Variants in SNTA1 observed in about 807,000 individuals in gnomAD.
The protein encoded by SNTA1 is alpha-1-syntrophin.
In SNTA1, 31 loss-of-function variants were observed where a neutral mutation model predicts 47.1. The ratio of observed to expected loss-of-function variants is 0.66; its 90% CI spans 0.49 to 0.89. SNTA1 has a LOEUF of 0.89. Among genes scored for constraint, SNTA1 ranks in the 40% least tolerant of loss-of-function variants. The probability of loss-of-function intolerance (pLI) is 0.00; values close to 1 mark genes in which losing one functional copy is unlikely to be tolerated. For missense variants in SNTA1, 575 were observed against 693.0 expected (o/e 0.83, Z 1.91); for synonymous variants, 300 against 313.6 (o/e 0.96, Z 0.46).
At chr20:33,432,541 A>C (rs1990336707) in intron 2 of SNTA1, among the ~76,000 whole-genome samples, 2 of 152,210 alleles carry the variant, frequency 1.3e-5, no homozygotes, top group African/African-American at 4.8e-5. Context: ...GACAAGCTAC[A>C]TGTGGTTCCT....
chr20:33,430,970 GT>G, intron 2 of SNTA1, among the ~76,000 whole-genome samples: 1 of 151,770 alleles, frequency 6.6e-6, no homozygotes, highest in African/African-American at 2.4e-5. Context: ...AAGATTATGG[GT>G]TTTCAGCCAG....
chr20:33,434,989 T>A (rs1990403202), intron 2 of SNTA1, among the ~76,000 whole-genome samples: 1 of 142,162 alleles, frequency 7.0e-6, no homozygotes, highest in African/African-American at 2.6e-5. Context: ...CAGCTTTTTT[T>A]TTTTTTTTTT....
At position 33,408,396 on chromosome 20, in the gene SNTA1, G is replaced by A. The variant is rs770188620; in HGVS notation, c.*111C>T. On this transcript the variant is annotated 3_prime_UTR_variant, in exon 8 of 8. Transcript: ENST00000217381. ...CAGGGTTGGGGTTTCGGAGGCCCTT[G>A]TTCCTCTCCTCTCCCTTCCCTCAGC... 4 of 812,832 alleles carry A rather than the reference G, an allele frequency of 4.9e-6. No homozygotes were observed. Among genetic ancestry groups the A allele is most frequent in the African/African-American group, 3.4e-5 (2 of 59,026 alleles). 50.4% of individuals were successfully genotyped at this position (812,832 alleles called of 1,614,324 possible).
chr20:33,420,302 G>A (rs963330424), intron 2 of SNTA1, among the ~76,000 whole-genome samples: 1 of 152,170 alleles, frequency 6.6e-6, no homozygotes, highest in Admixed American at 6.6e-5. Context: ...AGTTTTCGAT[G>A]ATACCATGAG....
Position 33,443,645 on chromosome 20 carries a change from C to T in SNTA1, c.-25G>A, listed in dbSNP as rs1990638347. ...TCTTCGCCTCCGAGCCCCCGGGCCG[C>T]CGCGCTCGCCCTGTCCCGCTTTGCC... On this transcript the variant is annotated 5_prime_UTR_variant, in exon 1 of 8. Transcript: ENST00000217381. 2 of 1,188,314 alleles carry T rather than the reference C, an allele frequency of 1.7e-6. No individual in the cohort carries two copies. Among genetic ancestry groups the T allele is most frequent in the Admixed American group, 4.2e-5 (1 of 23,884 alleles). 73.6% of individuals were successfully genotyped at this position (1,188,314 alleles called of 1,614,324 possible).
At chr20:33,420,766 G>A (rs553566716) in intron 2 of SNTA1, among the ~76,000 whole-genome samples, 127 of 152,184 alleles carry the variant, frequency 8.3e-4, no homozygotes, top group Admixed American at 1.6e-3. Flanking sequence ...GATCGCTTGA[G>A]CTCAGGAGTT....
At chr20:33,423,289 GC>G (rs1400418361) in intron 2 of SNTA1, among the ~76,000 whole-genome samples, 4 of 152,132 alleles carry the variant, frequency 2.6e-5, no homozygotes, top group East Asian at 1.9e-4. Context: ...GGTCCTGGGG[GC>G]CCCGGAGTGT....
At chr20:33,412,164 G>A in intron 5 of SNTA1, 132 bp downstream of exon 5, 1 of 984,438 alleles carries the variant, frequency 1.0e-6, no homozygotes, top group Middle Eastern at 3.2e-4. Flanking sequence ...CCCAGACAGG[G>A]CAGAGACTTG....
chr20:33,436,806 C>CA lies in SNTA1; in HGVS notation c.496+2034dup, dbSNP rs895528401. Among the ~76,000 whole-genome samples the CA allele has an allele frequency of 8.9e-4, 121 of 135,522 alleles. 3 individuals are homozygous for CA. In the East Asian group the frequency reaches 0.012, roughly 13 times the overall value. The allele number at this position is 135,522 out of a possible 152,430, so 88.9% of individuals were successfully genotyped here. On this transcript the variant is annotated intron_variant, in intron 2 of 7. Transcript: ENST00000217381. ...TGAAACCCTGTCTCTACTAAAAATA[C>CA]AAAAAAAAAATTAGCCAGGCGTGGT...
intron 2 of SNTA1, among the ~76,000 whole-genome samples, chr20:33,435,592 CA>C (rs1235353329): frequency 6.6e-6 from 1 of 152,022 alleles, no homozygotes; most frequent in Non-Finnish European, 1.5e-5. Flanking sequence ...GACCCTGCCT[CA>C]AGAAAAAAAC....
intron 2 of SNTA1, among the ~76,000 whole-genome samples, chr20:33,429,688 A>T (rs542532627): frequency 6.6e-6 from 1 of 152,282 alleles, no homozygotes; most frequent in South Asian, 2.1e-4. Context: ...CATGTTGCCT[A>T]GGCTAGTCTC....
chr20:33,436,989 G>A (rs1391906449), intron 2 of SNTA1, among the ~76,000 whole-genome samples: 1 of 147,306 alleles, frequency 6.8e-6, no homozygotes, highest in Non-Finnish European at 1.5e-5. Flanking sequence ...AAAAAGCTAG[G>A]CGCAGGGGCT....
At chr20:33,428,752 A>G (rs1047772414) in intron 2 of SNTA1, among the ~76,000 whole-genome samples, 1 of 152,042 alleles carries the variant, frequency 6.6e-6, no homozygotes, top group Non-Finnish European at 1.5e-5. Flanking sequence ...TTTTTAAAAA[A>G]TTTTTTGGCC....
chr20:33,440,983 T>A (rs1990563953), intron 1 of SNTA1, among the ~76,000 whole-genome samples: 1 of 152,236 alleles, frequency 6.6e-6, no homozygotes, highest in Admixed American at 6.5e-5. Context: ...GTCTAGAGAT[T>A]CTAAAAACCT....
chr20:33,408,488 C>A lies in SNTA1; in HGVS notation c.*19G>T, dbSNP rs751775521. On this transcript the variant is annotated 3_prime_UTR_variant, in exon 8 of 8. Transcript: ENST00000217381. ...ATGTCATGGACACCCCTCTTCAGGG[C>A]TAGTGCATCCGGCGACTTCTAGGCC... 1.9e-6 allele frequency: 3 copies of A among 1,575,222 alleles called. No individual in the cohort carries two copies. Among genetic ancestry groups the A allele is most frequent in the Non-Finnish European group, 2.6e-6 (3 of 1,144,620 alleles).
At position 33,412,629 on chromosome 20, in the gene SNTA1, G is replaced by A. The variant is rs892930501; in HGVS notation, c.855C>T (p.Ala285=). ...VKDELQALLA[A]TSTAGSQDIK... is the part of the protein sequence containing the mutation. ...TGTCCTGGCTCCCAGCTGTGCTGGT[G>A]GCTGCCAACAGTGCCTGCAGCTCAT... The change falls in exon 4 of 8, where the codon GCC becomes GCT. Residue 285 remains alanine (A), a synonymous_variant. Coordinates refer to ENST00000217381, the MANE Select transcript of SNTA1 (RefSeq NM_003098.3). 2 of 1,613,990 alleles carry A rather than the reference G, an allele frequency of 1.2e-6. No homozygotes were observed. The highest frequency in any genetic ancestry group is 1.3e-5 in the African/African-American group (1 of 75,040).
Position 33,443,383 on chromosome 20 carries a change from C to A in SNTA1, c.238G>T (p.Ala80Ser). The change falls in exon 1 of 8, where the codon GCG (alanine) becomes TCG (serine). Residue 80 changes from alanine to serine, a missense_variant. Transcript: ENST00000217381. ...PGAGPPQLPE[A>S]LLLQRRRVTV... The stretch of plus-strand genomic sequence containing the variant: ...ACGCGGCGCCGCTGGAGCAGTAGCG[C>A]CTCTGGCAGCTGCGGGGGCCCGGCG... The A allele has an allele frequency of 7.2e-7, 1 of 1,396,964 alleles. No homozygotes were observed. The highest frequency in any genetic ancestry group is 1.5e-5 in the South Asian group (1 of 65,032). 86.5% of individuals were successfully genotyped at this position (1,396,964 alleles called of 1,614,324 possible). A position where few individuals can be genotyped will look rare whatever the true frequency, so the allele number is the denominator to read the frequency against.
intron 1 of SNTA1, 65 bp from the exon 2 acceptor site, chr20:33,439,091 G>T: frequency 1.4e-6 from 2 of 1,421,376 alleles, no homozygotes; most frequent in Non-Finnish European, 2.0e-6. Context: ...GTCACATCAA[G>T]ACACAATTAT....
At chr20:33,440,695 A>C (rs367872096) in intron 1 of SNTA1, among the ~76,000 whole-genome samples, 2 of 150,796 alleles carry the variant, frequency 1.3e-5, no homozygotes, top group East Asian at 4.0e-4. Flanking sequence ...GTGTGTGCCT[A>C]TAATTCCAGC....
Sources: gnomAD v4.1 joint callset for allele counts (sites outside exome capture counted in the v4.1 genomes callset) on GRCh38, gnomAD v4.1.1 for gene constraint, MANE v1.5 for transcripts, NCBI Gene and HGNC (gene_info 2026-07-23, HGNC 2026-07-21) for gene names.